Variants in TSHZ1 observed in about 807,000 individuals in gnomAD.
TSHZ1 encodes the protein teashirt zinc finger homeobox 1.
Under a neutral mutation model 67.1 loss-of-function variants are expected in TSHZ1, and 12 were observed. That is an observed-to-expected ratio of 0.18 (90% CI 0.11 to 0.29). TSHZ1 has a LOEUF of 0.29. Among genes scored for constraint, TSHZ1 ranks in the 10% least tolerant of loss-of-function variants. TSHZ1 has a pLI of 1.00. For synonymous variants in TSHZ1, 632 were observed against 622.4 expected (o/e 1.02, Z -0.23); for missense variants, 1,305 against 1,413.9 (o/e 0.92, Z 1.23).
At chr18:75,264,787 CT>C (rs2023471301) in intron 1 of TSHZ1, among the ~76,000 whole-genome samples, 1 of 152,140 alleles carries the variant, frequency 6.6e-6, no homozygotes, top group Non-Finnish European at 1.5e-5. Context: ...TATTCTTAAA[CT>C]TTAGTGTCAA....
chr18:75,271,052 C>T (rs1225064980), intron 1 of TSHZ1, among the ~76,000 whole-genome samples: 3 of 152,160 alleles, frequency 2.0e-5, no homozygotes, highest in Non-Finnish European at 4.4e-5. Flanking sequence ...GTTTCTTATG[C>T]CCCATGAATG....
intron 1 of TSHZ1, among the ~76,000 whole-genome samples, chr18:75,258,852 A>T (rs1348721808): frequency 6.6e-6 from 1 of 152,210 alleles, no homozygotes; most frequent in Non-Finnish European, 1.5e-5. Flanking sequence ...CGATGATGGC[A>T]GTGGTGATGT....
At chr18:75,262,173 T>C (rs1362645752) in intron 1 of TSHZ1, among the ~76,000 whole-genome samples, 1 of 152,170 alleles carries the variant, frequency 6.6e-6, no homozygotes, top group Non-Finnish European at 1.5e-5. Flanking sequence ...AACTCCTGAT[T>C]TCTCAGAAAG....
chr18:75,238,862 A>G (rs1448251758), intron 1 of TSHZ1, among the ~76,000 whole-genome samples: 1 of 152,232 alleles, frequency 6.6e-6, no homozygotes, highest in Non-Finnish European at 1.5e-5. Context: ...GTTTTCCTGC[A>G]TCTTTGGCTG....
intron 1 of TSHZ1, among the ~76,000 whole-genome samples, chr18:75,243,695 A>C (rs879818050): frequency 1.6e-4 from 24 of 152,204 alleles, no homozygotes; most frequent in Non-Finnish European, 2.2e-4. Context: ...CAGATTTAGG[A>C]GAATGACAGG....
chr18:75,236,855 G>A (rs939911044), intron 1 of TSHZ1, among the ~76,000 whole-genome samples: 1 of 152,172 alleles, frequency 6.6e-6, no homozygotes, highest in Admixed American at 6.5e-5. Flanking sequence ...CACACAGGTT[G>A]ATGTCATAAG....
chr18:75,275,719 G>A (rs571715772), intron 1 of TSHZ1, among the ~76,000 whole-genome samples: 8 of 152,300 alleles, frequency 5.3e-5, no homozygotes, highest in Admixed American at 1.3e-4. Context: ...TTCCCCAGAC[G>A]TGGGGGTAAA....
intron 1 of TSHZ1, among the ~76,000 whole-genome samples, chr18:75,250,028 A>C: frequency 2.5e-5 from 3 of 121,130 alleles, no homozygotes; most frequent in African/African-American, 9.8e-5. Flanking sequence ...AGGACGCATG[A>C]CTTCCTGCCT....
chr18:75,252,946 T>G (rs1390539483), intron 1 of TSHZ1, among the ~76,000 whole-genome samples: 10 of 152,202 alleles, frequency 6.6e-5, no homozygotes, highest in Admixed American at 6.5e-4. Context: ...AACTTTAGAA[T>G]CATTTTTGTC....
chr18:75,218,587 T>A (rs1483031669), intron 1 of TSHZ1, among the ~76,000 whole-genome samples: 2 of 152,200 alleles, frequency 1.3e-5, no homozygotes, highest in African/African-American at 4.8e-5. Flanking sequence ...AGTCGTTAAC[T>A]AGACAAGCCC....
chr18:75,256,971 G>A (rs1054698222), intron 1 of TSHZ1, among the ~76,000 whole-genome samples: 2 of 152,102 alleles, frequency 1.3e-5, no homozygotes, highest in African/African-American at 4.8e-5. Flanking sequence ...GGGAAATGCT[G>A]CTCTTTTTAA....
At chr18:75,246,083 A>G (rs1315694137) in intron 1 of TSHZ1, among the ~76,000 whole-genome samples, 1 of 152,190 alleles carries the variant, frequency 6.6e-6, no homozygotes, top group Non-Finnish European at 1.5e-5. Flanking sequence ...TTACCTTATC[A>G]GCGTGGATTC....
In TSHZ1 at chr18:75,287,460, G is replaced by A; in HGVS notation, c.2053G>A (p.Glu685Lys). 1 of 1,614,216 alleles carries A rather than the reference G, an allele frequency of 6.2e-7. No homozygotes were observed. Among genetic ancestry groups the A allele is most frequent in the Non-Finnish European group, 8.5e-7 (1 of 1,180,044 alleles). The change falls in exon 2 of 2, where the codon GAA becomes AAA. Residue 685 changes from glutamate (E) to lysine (K), a missense_variant. By Grantham distance (56) the Glu-to-Lys change is moderately conservative (BLOSUM62 1). This residue lies in a region of TSHZ1 where 909 missense variants were observed against 961.8 expected (regional missense o/e 0.95). Transcript: ENST00000580243. This position sits in a 1 kb window ranked among gnomAD's most constrained non-coding sequence, Gnocchi z 5.0. ...KENKDFPKTE[E>K]VSGKPQKKGP... ...GAATAAAGATTTCCCGAAAACGGAG[G>A]AAGTCAGCGGCAAACCACAGAAGAA...
intron 1 of TSHZ1, among the ~76,000 whole-genome samples, chr18:75,268,177 A>T (rs568434837): frequency 9.9e-5 from 15 of 152,284 alleles, no homozygotes; most frequent in Admixed American, 5.2e-4. Context: ...TAAGACATCT[A>T]TCACCTCCTT....
Position 75,286,394 on chromosome 18 carries a change from C to T in TSHZ1, c.987C>T (p.Thr329=). The change falls in exon 2 of 2, where the codon ACC becomes ACT. Residue 329 remains threonine (T), a synonymous_variant. Coordinates refer to ENST00000580243, the MANE Select transcript of TSHZ1 (RefSeq NM_001308210.2). This position sits in a 1 kb window ranked among gnomAD's most constrained non-coding sequence, Gnocchi z 5.1. ...LQDLSVHMIK[T]KHYQKVPLKE... is the part of the protein sequence containing the mutation. Reference sequence around the variant, plus strand: ...ACCTCAGCGTCCACATGATCAAAACCAAGCATTACCAGAAAGTGCCTCTGA... The same window carrying T: ...ACCTCAGCGTCCACATGATCAAAACTAAGCATTACCAGAAAGTGCCTCTGA... 1 of 1,614,166 alleles carries T rather than the reference C, an allele frequency of 6.2e-7. No homozygotes were observed. The highest frequency in any genetic ancestry group is 8.5e-7 in the Non-Finnish European group (1 of 1,180,018).
chr18:75,267,541 T>C (rs1167716457), intron 1 of TSHZ1, among the ~76,000 whole-genome samples: 6 of 152,096 alleles, frequency 3.9e-5, no homozygotes, highest in Non-Finnish European at 8.8e-5. Flanking sequence ...GTGTCTCGAA[T>C]TAGGAGGAGA....
At chr18:75,249,048 G>A (rs2122563184) in intron 1 of TSHZ1, among the ~76,000 whole-genome samples, 1 of 152,270 alleles carries the variant, frequency 6.6e-6, no homozygotes, top group Middle Eastern at 3.4e-3. Flanking sequence ...CCCAGATCTG[G>A]GCCACTGTGG....
chr18:75,276,263 C>G (rs148836381), intron 1 of TSHZ1, among the ~76,000 whole-genome samples: 1 of 146,318 alleles, frequency 6.8e-6, no homozygotes, highest in Non-Finnish European at 1.5e-5. Context: ...TATTTGCAGA[C>G]TCTGAAATTC....
intron 1 of TSHZ1, among the ~76,000 whole-genome samples, chr18:75,272,027 A>G (rs1010401828): frequency 4.6e-5 from 7 of 152,230 alleles, no homozygotes; most frequent in African/African-American, 1.7e-4. Flanking sequence ...GGTAATTTGT[A>G]TAAGTAATGG....
Sources: gnomAD v4.1 joint callset for allele counts (sites outside exome capture counted in the v4.1 genomes callset) on GRCh38, gnomAD v4.1.1 for gene constraint, gnomAD v4.1.1 regional missense constraint, Gnocchi (gnomAD v3.1) non-coding constraint, MANE v1.5 for transcripts, NCBI Gene and HGNC (gene_info 2026-07-23, HGNC 2026-07-21) for gene names.